Variants in NXPE4 observed in about 807,000 individuals in gnomAD.
The protein encoded by NXPE4 is neurexophilin and PC-esterase domain family member 4, also known as NXPE family member 4.
A neutral mutation model predicts 33.3 loss-of-function variants in NXPE4; 42 were observed. That is an observed-to-expected ratio of 1.26 (90% CI 0.98 to 1.63). The LOEUF (loss-of-function observed/expected upper bound fraction) is 1.63. NXPE4 is among the 40% of genes most tolerant of loss of function. The pLI, the probability that NXPE4 is intolerant of heterozygous loss-of-function variation, is 0.00. For missense variants in NXPE4, 709 were observed against 647.6 expected, an observed-to-expected ratio of 1.09 and a Z score of -1.03; for synonymous variants, 253 against 234.9, an observed-to-expected ratio of 1.08 and a Z score of -0.71.
chr11:114,601,569 T>C, the NXPE4 span, among the ~76,000 whole-genome samples: 302 of 84,944 alleles, frequency 3.6e-3, no homozygotes, highest in Middle Eastern at 4.8e-3. Flanking sequence ...TATAATTATA[T>C]ATTATAATTA....
chr11:114,654,789 A>T, the NXPE4 span, among the ~76,000 whole-genome samples: 1 of 152,178 alleles, frequency 6.6e-6, no homozygotes, highest in Non-Finnish European at 1.5e-5. Context: ...ATATGTGTGC[A>T]TGTGTCTTTA....
At chr11:114,601,648 TA>T in the NXPE4 span, among the ~76,000 whole-genome samples, 1 of 74,928 alleles carries the variant, frequency 1.3e-5, no homozygotes, top group South Asian at 3.9e-4. Context: ...TATATATAAT[TA>T]TATATTATAA....
the NXPE4 span, among the ~76,000 whole-genome samples, chr11:114,646,001 T>G: frequency 6.6e-6 from 1 of 152,136 alleles, no homozygotes; most frequent in Admixed American, 6.6e-5. Context: ...ATCTATTGGT[T>G]AGTACTTCAG....
At chr11:114,628,474 A>G in the NXPE4 span, among the ~76,000 whole-genome samples, 2 of 152,148 alleles carry the variant, frequency 1.3e-5, no homozygotes, top group Admixed American at 6.5e-5. Flanking sequence ...GAAACCAATG[A>G]GAACAAAGAC....
chr11:114,621,533 A>G, the NXPE4 span, among the ~76,000 whole-genome samples: 1 of 152,270 alleles, frequency 6.6e-6, no homozygotes, highest in Admixed American at 6.5e-5. Flanking sequence ...AACCACTGTT[A>G]AACAGTGGAT....
At chr11:114,651,089 A>G in the NXPE4 span, among the ~76,000 whole-genome samples, 1 of 146,108 alleles carries the variant, frequency 6.8e-6, no homozygotes, top group Non-Finnish European at 1.5e-5. Context: ...ATATATATAC[A>G]ATATTACATA....
At chr11:114,651,290 C>T in the NXPE4 span, among the ~76,000 whole-genome samples, 1 of 151,696 alleles carries the variant, frequency 6.6e-6, no homozygotes, top group African/African-American at 2.4e-5. Flanking sequence ...TTCGTGGTCT[C>T]GCTGACTTTA....
chr11:114,663,413 G>C, the NXPE4 span, among the ~76,000 whole-genome samples: 1 of 152,096 alleles, frequency 6.6e-6, no homozygotes, highest in Non-Finnish European at 1.5e-5. Context: ...CAAAAAACGG[G>C]TGTGGGTTTA....
At chr11:114,573,098 T>A (rs1041022788) in intron 5 of NXPE4, among the ~76,000 whole-genome samples, 1 of 152,178 alleles carries the variant, frequency 6.6e-6, no homozygotes, top group African/African-American at 2.4e-5. Flanking sequence ...AAGAATTTTG[T>A]ATCCAGCAAA....
intron 5 of NXPE4, among the ~76,000 whole-genome samples, chr11:114,577,035 A>C (rs1949015806): frequency 3.2e-5 from 1 of 31,128 alleles, no homozygotes; most frequent in Admixed American, 3.3e-4. Flanking sequence ...ATACATATAT[A>C]TATATAAAGT....
chr11:114,630,806 T>C, the NXPE4 span, among the ~76,000 whole-genome samples: 1 of 151,686 alleles, frequency 6.6e-6, no homozygotes, highest in Non-Finnish European at 1.5e-5. Context: ...GAATCTACAA[T>C]GAACTCAAAC....
At chr11:114,579,866 G>GT (rs1949095330) in intron 5 of NXPE4, among the ~76,000 whole-genome samples, 1 of 152,164 alleles carries the variant, frequency 6.6e-6, no homozygotes, top group African/African-American at 2.4e-5. Context: ...TCCATCAATA[G>GT]TTTTTGGAGC....
the NXPE4 span, among the ~76,000 whole-genome samples, chr11:114,620,522 A>AC: frequency 2.8e-5 from 4 of 142,550 alleles, no homozygotes; most frequent in African/African-American, 1.0e-4. Flanking sequence ...TAACCACTTT[A>AC]AGGCGGTAGA....
At chr11:114,600,616 G>A (rs978438901), upstream of NXPE4, among the ~76,000 whole-genome samples, 1 of 151,974 alleles carries the variant, frequency 6.6e-6, no homozygotes, top group Non-Finnish European at 1.5e-5. Flanking sequence ...CTAAGCAACT[G>A]TCCCCAGCTA....
chr11:114,572,616 C>T (rs1489949857), intron 5 of NXPE4, among the ~76,000 whole-genome samples: 2 of 152,170 alleles, frequency 1.3e-5, no homozygotes, highest in East Asian at 3.9e-4. Flanking sequence ...GAAAAAAGAA[C>T]CTCAGAGCTA....
chr11:114,625,738 G>A, the NXPE4 span, among the ~76,000 whole-genome samples: 1 of 152,146 alleles, frequency 6.6e-6, no homozygotes, highest in African/African-American at 2.4e-5. Context: ...GAAGGCAGGT[G>A]ATTTCTGCAT....
chr11:114,651,315 G>A, the NXPE4 span, among the ~76,000 whole-genome samples: 2 of 151,550 alleles, frequency 1.3e-5, no homozygotes, highest in African/African-American at 4.9e-5. Flanking sequence ...TGAAGCCGCA[G>A]ACCTTGTTAC....
the NXPE4 span, among the ~76,000 whole-genome samples, chr11:114,673,074 A>ATT: frequency 9.7e-4 from 144 of 148,312 alleles, no homozygotes; most frequent in African/African-American, 3.4e-3. Flanking sequence ...CTATATATAT[A>ATT]TTATATATAT....
At chr11:114,626,863 G>C in the NXPE4 span, among the ~76,000 whole-genome samples, 1 of 152,076 alleles carries the variant, frequency 6.6e-6, no homozygotes, top group Non-Finnish European at 1.5e-5. Flanking sequence ...CGAGAACTAC[G>C]TGAAGAATGC....
Sources: allele counts gnomAD v4.1 joint callset (sites outside exome capture counted in the v4.1 genomes callset), GRCh38; gene constraint gnomAD v4.1.1; transcripts MANE v1.5; gene names NCBI Gene and HGNC (gene_info 2026-07-23, HGNC 2026-07-21).